C1orf185: variants seen among roughly 807,000 people sequenced by gnomAD.
C1orf185 encodes the protein uncharacterized protein C1orf185.
In C1orf185, 13 loss-of-function variants were observed where a neutral mutation model predicts 16.1. The ratio of observed to expected loss-of-function variants is 0.81; its 90% confidence interval spans 0.53 to 1.28. The LOEUF is 1.28. Among genes scored for constraint, C1orf185 ranks in the 50% most tolerant of loss-of-function variants. The pLI is 0.00. For synonymous variants in C1orf185, 80 were observed against 76.9 expected, an observed-to-expected ratio of 1.04 and a Z score of -0.21; for missense variants, 220 against 225.2, an observed-to-expected ratio of 0.98 and a Z score of 0.15.
chr1:51,106,101 C>T (rs1348871033), intron 1 of C1orf185, among the ~76,000 whole-genome samples: 3 of 151,994 alleles, frequency 2.0e-5, no homozygotes, highest in Non-Finnish European at 4.4e-5. Context: ...GGCAGAGATT[C>T]TCAGAGGTGA....
intron 3 of C1orf185, among the ~76,000 whole-genome samples, chr1:51,124,394 T>A (rs1479393780): frequency 6.6e-6 from 1 of 152,218 alleles, no homozygotes; most frequent in Non-Finnish European, 1.5e-5. Context: ...TTTGCACTAT[T>A]TTTAAGGTGT....
intron 3 of C1orf185, among the ~76,000 whole-genome samples, chr1:51,143,418 T>G (rs2148033018): frequency 6.6e-6 from 1 of 152,336 alleles, no homozygotes; most frequent in East Asian, 1.9e-4. Flanking sequence ...TTCTATTTCA[T>G]TCAGCAGATT....
downstream of C1orf185, among the ~76,000 whole-genome samples, chr1:51,149,163 A>G (rs528858809): frequency 6.6e-6 from 1 of 152,098 alleles, no homozygotes; most frequent in Non-Finnish European, 1.5e-5. Context: ...TTTCCTAAAC[A>G]TTCTCCATGA....
In C1orf185 at chr1:51,103,072, G is replaced by T. The variant is rs185993034; in HGVS notation, c.16+823G>T. ...TAATGTAGAGATTAATTGCATTATT[G>T]TCAGAGAACATGGTATATATAATAA... On this transcript the variant is annotated intron_variant, in intron 1 of 4. Transcript: ENST00000371759. Among the ~76,000 whole-genome samples the T allele has an allele frequency of 1.2e-4, 19 of 152,102 alleles. No homozygotes were observed. In the East Asian group the frequency reaches 1.9e-3, roughly 15 times the overall value.
rs187102391 is a variant in C1orf185 at position 51,115,300 on chromosome 1, T to C, written c.122+2731T>C. 4.4e-3 allele frequency among the ~76,000 whole-genome samples: 668 copies of C among 152,336 alleles called. 3 individuals carry two copies. The highest frequency in any genetic ancestry group is 6.8e-3 in the Middle Eastern group (2 of 294). On this transcript the variant is annotated intron_variant, in intron 2 of 4. Transcript: ENST00000371759. The stretch of plus-strand genomic sequence containing the variant: ...TTGCAGTGAGCTGAGATTGTGCCAC[T>C]GCACTCGAGCCTGGGCAACAGAACA...
At chr1:51,131,160 C>T (rs1399273756) in intron 3 of C1orf185, among the ~76,000 whole-genome samples, 1 of 152,198 alleles carries the variant, frequency 6.6e-6, no homozygotes, top group Non-Finnish European at 1.5e-5. Flanking sequence ...ACCTTGGCCT[C>T]CCAAAGTGCT....
chr1:51,120,827 T>A (rs1168566260), intron 3 of C1orf185, among the ~76,000 whole-genome samples: 1 of 152,184 alleles, frequency 6.6e-6, no homozygotes, highest in South Asian at 2.1e-4. Flanking sequence ...TAAGAAGTGC[T>A]TATATGCCAG....
intron 3 of C1orf185, among the ~76,000 whole-genome samples, chr1:51,136,589 A>C (rs1646326849): frequency 6.6e-6 from 1 of 152,110 alleles, no homozygotes. Context: ...CAGAACCCAG[A>C]AATAAGGCCA....
At chr1:51,121,707 A>G (rs1319884987) in intron 3 of C1orf185, among the ~76,000 whole-genome samples, 1 of 152,192 alleles carries the variant, frequency 6.6e-6, no homozygotes, top group Non-Finnish European at 1.5e-5. Flanking sequence ...TAGGTTTAAT[A>G]TAATAAAAAA....
chr1:51,105,669 T>C (rs1053904647), intron 1 of C1orf185, among the ~76,000 whole-genome samples: 1 of 152,194 alleles, frequency 6.6e-6, no homozygotes, highest in African/African-American at 2.4e-5. Context: ...TTAATGATTA[T>C]TATTAAAGAC....
intron 2 of C1orf185, among the ~76,000 whole-genome samples, chr1:51,118,186 C>T (rs1646171272): frequency 6.6e-6 from 1 of 152,222 alleles, no homozygotes; most frequent in Non-Finnish European, 1.5e-5. Context: ...TCCCAAAGTG[C>T]TGGGATTACA....
chr1:51,138,417 G>A (rs1469366111), intron 3 of C1orf185, among the ~76,000 whole-genome samples: 1 of 152,176 alleles, frequency 6.6e-6, no homozygotes, highest in Admixed American at 6.5e-5. Flanking sequence ...TTTTGAGACA[G>A]AGTCTTGCTC....
At chr1:51,124,242 C>T (rs1023201869) in intron 3 of C1orf185, among the ~76,000 whole-genome samples, 32 of 152,054 alleles carry the variant, frequency 2.1e-4, no homozygotes, top group African/African-American at 5.1e-4. Context: ...CCACCATGCC[C>T]GGCTAATTTT....
At chr1:51,115,860 G>A (rs968810542) in intron 2 of C1orf185, among the ~76,000 whole-genome samples, 12 of 152,140 alleles carry the variant, frequency 7.9e-5, no homozygotes, top group African/African-American at 2.7e-4. Flanking sequence ...TCTGGGATAG[G>A]TTTTGCAGGT....
rs1646341511 is a variant in C1orf185, at chr1:51,138,386, T to A, written c.259-7338T>A. Among the ~76,000 whole-genome samples, 3 of 152,196 alleles carry A rather than the reference T, an allele frequency of 2.0e-5. No homozygotes were observed. In the South Asian group the frequency reaches 6.2e-4, roughly 31 times the overall value. ...GTTGTGCAACCATCACCACCATTCA[T>A]CTTCAGAATTTGTTTGTTTGTTTTG... On this transcript the variant is annotated intron_variant, in intron 3 of 4. Transcript: ENST00000371759.
Position 51,147,853 on chromosome 1 carries a change from T to C in C1orf185, c.*82T>C, listed in dbSNP as rs1223884664. 17 of 1,241,774 alleles carry C rather than the reference T, an allele frequency of 1.4e-5. No individual in the cohort carries two copies. The highest frequency in any genetic ancestry group is 1.7e-5 in the Non-Finnish European group (16 of 930,242). 76.9% of individuals were successfully genotyped at this position (1,241,774 alleles called of 1,614,324 possible). A position where few individuals can be genotyped will look rare whatever the true frequency, so the allele number is the denominator to read the frequency against. On this transcript the variant is annotated 3_prime_UTR_variant, in exon 5 of 5. Coordinates refer to ENST00000371759, the MANE Select transcript of C1orf185 (RefSeq NM_001136508.2). ...AAATATAAAACCTTCAACATAATACTGAATGACTTTTTTCTTTTGAAACCT... is the reference window on the plus strand; with the variant it reads ...AAATATAAAACCTTCAACATAATACCGAATGACTTTTTTCTTTTGAAACCT...
At chr1:51,126,979 G>A (rs1195613974) in intron 3 of C1orf185, among the ~76,000 whole-genome samples, 1 of 149,192 alleles carries the variant, frequency 6.7e-6, no homozygotes, top group African/African-American at 2.5e-5. Context: ...ATTGGGGTTT[G>A]TTTATTTTTT....
intron 3 of C1orf185, among the ~76,000 whole-genome samples, chr1:51,134,087 AAAG>A (rs1646305490): frequency 6.6e-6 from 1 of 152,176 alleles, no homozygotes; most frequent in African/African-American, 2.4e-5. Flanking sequence ...GTCAAAAAAA[AAAG>A]TAGAACACTC....
rs1263917859 is a variant in C1orf185, at chr1:51,103,409, A to AC, written c.16+1160_16+1161insC. On this transcript the variant is annotated intron_variant, in intron 1 of 4. Transcript: ENST00000371759. ...CAACAGAGTGAGATCTTGTCTCGAA[A>AC]AACACACACACACACACACACACAC... Among the ~76,000 whole-genome samples, 318 of 122,528 alleles carry AC rather than the reference A, an allele frequency of 2.6e-3. 1 individual carries two copies. Among genetic ancestry groups the AC allele is most frequent in the African/African-American group, 9.1e-3 (276 of 30,490 alleles). 80.4% of individuals were successfully genotyped at this position (122,528 alleles called of 152,430 possible).
Sources: gnomAD v4.1 joint callset for allele counts (sites outside exome capture counted in the v4.1 genomes callset) on GRCh38, gnomAD v4.1.1 for gene constraint, MANE v1.5 for transcripts, NCBI Gene and HGNC (gene_info 2026-07-23, HGNC 2026-07-21) for gene names.